Variants in LEKR1 observed in about 807,000 individuals in gnomAD.
The protein encoded by LEKR1 is protein LEKR1.
A neutral mutation model predicts 72.4 loss-of-function variants in LEKR1; 59 were observed. The ratio of observed to expected loss-of-function variants is 0.82; its 90% confidence interval spans 0.66 to 1.01. LEKR1 has a LOEUF of 1.01. LEKR1 is among the 50% of genes least tolerant of loss of function. The probability of loss-of-function intolerance (pLI) is 0.00; values close to 1 mark genes in which losing one functional copy is unlikely to be tolerated. For missense variants in LEKR1, 728 were observed against 759.2 expected (o/e 0.96, Z 0.48); for synonymous variants, 257 against 263.2 (o/e 0.98, Z 0.23).
chr3:157,014,441 G>T (rs1048469180), intron 10 of LEKR1, among the ~76,000 whole-genome samples: 1 of 151,870 alleles, frequency 6.6e-6, no homozygotes, highest in African/African-American at 2.4e-5. Context: ...CAATTTTGAA[G>T]GGAGGCAAAA....
At chr3:156,891,580 A>G (rs1042485701) in intron 3 of LEKR1, among the ~76,000 whole-genome samples, 2 of 152,180 alleles carry the variant, frequency 1.3e-5, no homozygotes, top group African/African-American at 4.8e-5. Context: ...CAAATTAATT[A>G]TAGTTGTCAC....
At chr3:156,953,056 A>G (rs1315211700) in intron 6 of LEKR1, among the ~76,000 whole-genome samples, 1 of 151,514 alleles carries the variant, frequency 6.6e-6, no homozygotes, top group Non-Finnish European at 1.5e-5. Flanking sequence ...TACTCTCTAT[A>G]AATTTTTAAA....
chr3:156,888,947 A>G (rs1054192886), intron 3 of LEKR1, among the ~76,000 whole-genome samples: 1 of 152,202 alleles, frequency 6.6e-6, no homozygotes, highest in African/African-American at 2.4e-5. Context: ...TAAAAAGGAA[A>G]GCTTATTTTC....
At chr3:157,009,396 G>T (rs538379279) in intron 9 of LEKR1, among the ~76,000 whole-genome samples, 125 of 152,214 alleles carry the variant, frequency 8.2e-4, no homozygotes, top group African/African-American at 2.9e-3. Flanking sequence ...GTTACATGAA[G>T]CTAGTGGCTA....
rs554664555 is a variant in LEKR1, at chr3:156,893,718, T to TA, written c.264-26856dup. The stretch of plus-strand genomic sequence containing the variant: ...GAAGTAGATGCTGAAACCATGCTCT[T>TA]ACAGCCTGTAGAACTGTGAACCAAT... On this transcript the variant is annotated intron_variant, in intron 3 of 12. Transcript: ENST00000356539. Among the ~76,000 whole-genome samples the TA allele has an allele frequency of 3.2e-3, 485 of 152,346 alleles. 1 individual carries two copies. The highest frequency in any genetic ancestry group is 0.02 in the Middle Eastern group (6 of 294).
intron 3 of LEKR1, among the ~76,000 whole-genome samples, chr3:156,903,644 A>G (rs540141682): frequency 6.6e-6 from 1 of 152,330 alleles, no homozygotes; most frequent in African/African-American, 2.4e-5. Context: ...AAAGGACATT[A>G]CTACCCTTAA....
At chr3:156,949,146 CAGA>C (rs1726937495) in intron 6 of LEKR1, among the ~76,000 whole-genome samples, 1 of 151,596 alleles carries the variant, frequency 6.6e-6, no homozygotes, top group South Asian at 2.1e-4. Flanking sequence ...TTTTGGTGTG[CAGA>C]AGTTCTTAAG....
chr3:157,019,867 C>T (rs1033829499), intron 10 of LEKR1, among the ~76,000 whole-genome samples: 2 of 152,170 alleles, frequency 1.3e-5, no homozygotes, highest in Non-Finnish European at 2.9e-5. Flanking sequence ...AACCAGTAAT[C>T]TCATTTCTCT....
chr3:156,834,736 A>T (rs1175597381), intron 2 of LEKR1, among the ~76,000 whole-genome samples: 2 of 152,226 alleles, frequency 1.3e-5, no homozygotes, highest in African/African-American at 2.4e-5. Flanking sequence ...TGAAGAATAG[A>T]CAAGTCAATT....
rs573057497 is a variant in LEKR1 at position 157,009,768 on chromosome 3, A to T, written c.1110-1645A>T. ...GGTAGATTCTACCACTAAGGTGTGG[A>T]TTTAAGAATTTCTTTGTACACTTAT... On this transcript the variant is annotated intron_variant, in intron 9 of 12. Transcript: ENST00000356539. Among the ~76,000 whole-genome samples the T allele has an allele frequency of 3.3e-5, 5 of 152,180 alleles. No homozygotes were observed. In the South Asian group the frequency reaches 1.0e-3, roughly 32 times the overall value.
At chr3:156,959,469 A>C (rs1249737319) in intron 6 of LEKR1, among the ~76,000 whole-genome samples, 1 of 152,160 alleles carries the variant, frequency 6.6e-6, no homozygotes, top group Admixed American at 6.6e-5. Context: ...GCTAAGTATC[A>C]CAATAAGGCT....
intron 9 of LEKR1, among the ~76,000 whole-genome samples, chr3:156,997,402 T>A (rs1195382010): frequency 6.6e-6 from 1 of 152,224 alleles, no homozygotes; most frequent in East Asian, 1.9e-4. Context: ...GTTGGAGGTG[T>A]GAACATCCCT....
intron 10 of LEKR1, among the ~76,000 whole-genome samples, chr3:157,019,269 T>A (rs1356143842): frequency 6.6e-6 from 1 of 152,144 alleles, no homozygotes; most frequent in East Asian, 1.9e-4. Flanking sequence ...AGAAAAATGA[T>A]AATAACAAAG....
chr3:156,954,783 G>A (rs1173061183), intron 6 of LEKR1, among the ~76,000 whole-genome samples: 1 of 152,040 alleles, frequency 6.6e-6, no homozygotes, highest in Non-Finnish European at 1.5e-5. Context: ...CTTGAAGTCG[G>A]GTAGCATGAT....
intron 6 of LEKR1, among the ~76,000 whole-genome samples, chr3:156,976,483 C>T (rs971302608): frequency 2.6e-5 from 4 of 151,890 alleles, no homozygotes; most frequent in Non-Finnish European, 4.4e-5. Context: ...GTCACAGTAA[C>T]ACCATAATTT....
chr3:156,894,917 T>TA (rs1394387772), intron 3 of LEKR1, among the ~76,000 whole-genome samples: 1 of 152,066 alleles, frequency 6.6e-6, no homozygotes, highest in African/African-American at 2.4e-5. Flanking sequence ...GACTTACATG[T>TA]AAAACCCAAA....
intron 11 of LEKR1, 44 bp downstream of exon 11, chr3:157,024,968 T>A (rs1458352592): frequency 7.4e-7 from 1 of 1,347,050 alleles, no homozygotes; most frequent in South Asian, 1.3e-5. Flanking sequence ...GATTTGAAAC[T>A]GCAGATGTTG....
At chr3:156,883,599 G>T (rs1719725499) in intron 3 of LEKR1, among the ~76,000 whole-genome samples, 1 of 152,144 alleles carries the variant, frequency 6.6e-6, no homozygotes, top group Admixed American at 6.5e-5. Context: ...AATCATGGGG[G>T]TAGTTTCCCC....
intron 6 of LEKR1, among the ~76,000 whole-genome samples, chr3:156,945,716 C>T (rs923678765): frequency 7.9e-5 from 12 of 151,530 alleles, no homozygotes; most frequent in African/African-American, 2.9e-4. Context: ...CTGTCCTCCC[C>T]CAACCTATGT....
Sources: allele counts gnomAD v4.1 joint callset (sites outside exome capture counted in the v4.1 genomes callset), GRCh38; gene constraint gnomAD v4.1.1; transcripts MANE v1.5; gene names NCBI Gene and HGNC (gene_info 2026-07-23, HGNC 2026-07-21).